The following EHMT1 variants were observed in gnomAD, a reference collection of about 807,000 sequenced individuals.
EHMT1 encodes the protein euchromatic histone lysine methyltransferase 1.
A neutral mutation model predicts 147.2 loss-of-function variants in EHMT1; 15 were observed. That is an observed-to-expected ratio of 0.10 (90% CI 0.07 to 0.16). EHMT1 has a LOEUF of 0.16. EHMT1 is among the 10% of genes least tolerant of loss of function. The probability of loss-of-function intolerance (pLI) is 1.00; values close to 1 mark genes in which losing one functional copy is unlikely to be tolerated. For missense variants in EHMT1, 1,587 were observed against 1,772.4 expected (o/e 0.90, Z 1.88); for synonymous variants, 795 against 709.6 (o/e 1.12, Z -1.91).
chr9:137,762,264 T>C (rs1440102313), intron 9 of EHMT1, among the ~76,000 whole-genome samples: 2 of 151,948 alleles, frequency 1.3e-5, no homozygotes, highest in Non-Finnish European at 2.9e-5. Context: ...CAAACTGATT[T>C]TTTTTTTTTT....
rs1588948881 is a variant in EHMT1, at chr9:137,834,665, G to A, written c.3717-108G>A. On this transcript the variant is annotated intron_variant, in intron 26 of 26. Coordinates refer to ENST00000460843, the MANE Select transcript of EHMT1 (RefSeq NM_024757.5). ...TTCTAAAAACTGCGACCTGGGATGC[G>A]GCACGGCAGATCGGGGTGAGGAAGC... 6.3e-6 allele frequency: 10 copies of A among 1,597,372 alleles called. No homozygotes were observed. In the East Asian group the frequency reaches 1.3e-4, roughly 22 times the overall value.
chr9:137,726,316 C>A (rs1304984777), intron 3 of EHMT1, among the ~76,000 whole-genome samples: 1 of 152,210 alleles, frequency 6.6e-6, no homozygotes, highest in Non-Finnish European at 1.5e-5. Context: ...ATTCTACTTT[C>A]TGTGTCCATC....
intron 4 of EHMT1, among the ~76,000 whole-genome samples, chr9:137,734,542 G>C (rs1947372832): frequency 6.6e-6 from 1 of 152,226 alleles, no homozygotes; most frequent in South Asian, 2.1e-4. Flanking sequence ...CCAGGAAGAA[G>C]AGAGTAAGAA....
intron 18 of EHMT1, among the ~76,000 whole-genome samples, chr9:137,810,530 T>TTTTTCTTACCTACGTTTTTTA (rs1368997973): frequency 6.6e-6 from 1 of 152,246 alleles, no homozygotes; most frequent in African/African-American, 2.4e-5. Flanking sequence ...ACCGTTCATC[T>TTTTTCTTACCTACGTTTTTTA]TTTTCTTACC....
At chr9:137,798,488 C>T (rs747001098) in intron 16 of EHMT1, among the ~76,000 whole-genome samples, 2 of 152,170 alleles carry the variant, frequency 1.3e-5, no homozygotes, top group Admixed American at 6.5e-5. Flanking sequence ...TTTCCGGAGC[C>T]GTGGGGTGGG....
At chr9:137,780,879 T>C (rs1426034660) in intron 14 of EHMT1, among the ~76,000 whole-genome samples, 106 of 79,124 alleles carry the variant, frequency 1.3e-3, no homozygotes, top group South Asian at 3.0e-3. Flanking sequence ...GACGCCGGGA[T>C]GTGTGGTGAT....
chr9:137,798,678 G>T (rs1414917706), intron 16 of EHMT1, 135 bp from the exon 17 acceptor site: 4 of 782,354 alleles, frequency 5.1e-6, no homozygotes, highest in Non-Finnish European at 9.0e-6. Context: ...CCTCAGCCTG[G>T]GTTTCCTTGT....
At chr9:137,760,336 G>C in intron 9 of EHMT1, among the ~76,000 whole-genome samples, 1 of 152,216 alleles carries the variant, frequency 6.6e-6, no homozygotes, top group East Asian at 1.9e-4. Context: ...CTGTTGGCCA[G>C]TGCTGTGGTA....
intron 1 of EHMT1, among the ~76,000 whole-genome samples, chr9:137,672,697 A>G (rs1940818609): frequency 6.6e-6 from 1 of 152,240 alleles, no homozygotes; most frequent in African/African-American, 2.4e-5. Flanking sequence ...GATTGGGGAT[A>G]AGTTTCACAT....
chr9:137,724,376 C>A (rs894667704), intron 3 of EHMT1, among the ~76,000 whole-genome samples: 1 of 152,178 alleles, frequency 6.6e-6, no homozygotes, highest in African/African-American at 2.4e-5. Flanking sequence ...GAGCCAGGCC[C>A]TGTGGAGATG....
intron 23 of EHMT1, 105 bp from the exon 24 acceptor site, chr9:137,817,334 T>G: frequency 2.3e-6 from 3 of 1,297,830 alleles, no homozygotes; most frequent in Non-Finnish European, 3.3e-6. Flanking sequence ...ACAGAACCAG[T>G]TTTCTTCCTC....
At chr9:137,699,454 C>T (rs1250484584) in intron 1 of EHMT1, among the ~76,000 whole-genome samples, 1 of 152,142 alleles carries the variant, frequency 6.6e-6, no homozygotes, top group African/African-American at 2.4e-5. Context: ...GGGCAGATCA[C>T]TCGAGGTCAG....
chr9:137,765,943 C>T (rs1406004982), intron 10 of EHMT1, among the ~76,000 whole-genome samples: 1 of 152,104 alleles, frequency 6.6e-6, no homozygotes, highest in Non-Finnish European at 1.5e-5. Context: ...ACTTAGGTGG[C>T]AACTCAGCAG....
At chr9:137,686,204 A>C (rs1942410875) in intron 1 of EHMT1, among the ~76,000 whole-genome samples, 2 of 150,798 alleles carry the variant, frequency 1.3e-5, no homozygotes, top group African/African-American at 2.4e-5. Context: ...AGATGTTTTT[A>C]GTTTTGATGA....
intron 1 of EHMT1, among the ~76,000 whole-genome samples, chr9:137,631,397 AAAAAAT>A (rs1350481137): frequency 2.6e-5 from 4 of 152,216 alleles, no homozygotes; most frequent in African/African-American, 9.6e-5. Flanking sequence ...TGTCTTGGAA[AAAAAAT>A]AAAAATAAAA....
At position 137,813,376 on chromosome 9, in the gene EHMT1, T is replaced by C. The variant is rs984242873; in HGVS notation, c.3036-10T>C. On this transcript the variant is annotated splice_polypyrimidine_tract_variant and intron_variant, in intron 20 of 26. Transcript: ENST00000460843. This position sits in a 1 kb window ranked among gnomAD's most constrained non-coding sequence, Gnocchi z 4.9. ...CAGCCACCAGGTGACACCTGTCCTT[T>C]CCATGGCAGGGACATCGCTCGAGGC... The C allele has an allele frequency of 5.0e-6, 8 of 1,608,808 alleles. No individual in the cohort carries two copies. The highest frequency in any genetic ancestry group is 1.3e-5 in the African/African-American group (1 of 74,828).
intron 1 of EHMT1, among the ~76,000 whole-genome samples, chr9:137,625,878 G>T (rs571655131): frequency 6.7e-6 from 1 of 149,912 alleles, no homozygotes; most frequent in African/African-American, 2.5e-5. Context: ...TTTTTGAGAC[G>T]AAGTTTTGCT....
At chr9:137,833,613 C>T (rs1194662708) in intron 25 of EHMT1, among the ~76,000 whole-genome samples, 1 of 152,242 alleles carries the variant, frequency 6.6e-6, no homozygotes, top group Non-Finnish European at 1.5e-5. Context: ...CCACCCACCT[C>T]GTCCCCCTCT....
chr9:137,815,413 T>C (rs577743756), intron 22 of EHMT1: 7 of 204,730 alleles, frequency 3.4e-5, no homozygotes, highest in African/African-American at 1.6e-4. Flanking sequence ...CAAGCCAGAG[T>C]GTGCCTGGGC....
Sources: gnomAD v4.1 joint callset for allele counts (sites outside exome capture counted in the v4.1 genomes callset) on GRCh38, gnomAD v4.1.1 for gene constraint, Gnocchi (gnomAD v3.1) non-coding constraint, MANE v1.5 for transcripts, NCBI Gene and HGNC (gene_info 2026-07-23, HGNC 2026-07-21) for gene names.